ITGA1: variants seen among roughly 807,000 people sequenced by gnomAD.
ITGA1 encodes the protein integrin alpha-1.
Under a neutral mutation model 145.9 loss-of-function variants are expected in ITGA1, and 85 were observed. The observed-to-expected ratio is 0.58, with a 90% CI of 0.49 to 0.70. The LOEUF is 0.70. ITGA1 is among the 30% of genes least tolerant of loss of function. The probability of loss-of-function intolerance (pLI) is 0.00; values close to 1 mark genes in which losing one functional copy is unlikely to be tolerated. For synonymous variants in ITGA1, 520 were observed against 495.3 expected (o/e 1.05, Z -0.66); for missense variants, 1,351 against 1,418.7 (o/e 0.95, Z 0.77).
At chr5:52,814,176 T>C (rs1427639971) in intron 1 of ITGA1, among the ~76,000 whole-genome samples, 1 of 152,212 alleles carries the variant, frequency 6.6e-6, no homozygotes, top group African/African-American at 2.4e-5. Flanking sequence ...AGACAGAGTC[T>C]CGCTCTGTCA....
chr5:52,895,176 T>G (rs1750206699), intron 9 of ITGA1, among the ~76,000 whole-genome samples: 1 of 152,164 alleles, frequency 6.6e-6, no homozygotes, highest in African/African-American at 2.4e-5. Context: ...TTAGAACATT[T>G]GATTTAGAGG....
chr5:52,931,894 C>A, intron 21 of ITGA1, 153 bp from the exon 22 acceptor site: 1 of 534,916 alleles, frequency 1.9e-6, no homozygotes, highest in East Asian at 3.0e-5. Context: ...TCTCTGATCT[C>A]CTTCTTCACC....
chr5:52,791,115 C>A (rs1393052007), intron 1 of ITGA1, among the ~76,000 whole-genome samples: 1 of 152,162 alleles, frequency 6.6e-6, no homozygotes, highest in African/African-American at 2.4e-5. Context: ...TAAAATGATT[C>A]ATCAAAAAGA....
intron 1 of ITGA1, among the ~76,000 whole-genome samples, chr5:52,823,067 G>A (rs995704432): frequency 6.6e-6 from 1 of 152,118 alleles, no homozygotes; most frequent in African/African-American, 2.4e-5. Flanking sequence ...GGTCTAACAA[G>A]CTTTAAGGTG....
chr5:52,890,813 C>T (rs1288636738), intron 8 of ITGA1, among the ~76,000 whole-genome samples: 3 of 152,114 alleles, frequency 2.0e-5, no homozygotes, highest in Non-Finnish European at 4.4e-5. Flanking sequence ...TGAACACTAG[C>T]TCTTATTCCT....
chr5:52,907,914 A>G (rs1361492186), intron 12 of ITGA1, among the ~76,000 whole-genome samples: 1 of 152,248 alleles, frequency 6.6e-6, no homozygotes, highest in Non-Finnish European at 1.5e-5. Context: ...AGAAAAGTGC[A>G]TTCAAAAGTC....
chr5:52,864,679 C>T (rs1749655373), intron 3 of ITGA1, 84 bp from the exon 4 acceptor site: 1 of 801,864 alleles, frequency 1.2e-6, no homozygotes, highest in Non-Finnish European at 2.1e-6. Context: ...ATGAGCAAAA[C>T]AAATAGAATG....
intron 9 of ITGA1, among the ~76,000 whole-genome samples, chr5:52,895,509 C>T (rs1579703937): frequency 6.6e-6 from 1 of 152,126 alleles, no homozygotes; most frequent in South Asian, 2.1e-4. Flanking sequence ...TAGAAACAAT[C>T]TGTAAAAATA....
intron 26 of ITGA1, among the ~76,000 whole-genome samples, chr5:52,941,228 T>C (rs1244533056): frequency 1.3e-5 from 2 of 152,328 alleles, no homozygotes; most frequent in East Asian, 3.9e-4. Flanking sequence ...TGAATAGCAC[T>C]GCAATGAAGA....
intron 1 of ITGA1, among the ~76,000 whole-genome samples, chr5:52,834,798 G>A (rs1051151072): frequency 2.6e-5 from 4 of 152,000 alleles, no homozygotes; most frequent in African/African-American, 9.7e-5. Context: ...GGCCCCAGTG[G>A]TTGTGATTTC....
chr5:52,916,264 TG>T (rs1218475223), intron 15 of ITGA1, among the ~76,000 whole-genome samples: 2 of 152,180 alleles, frequency 1.3e-5, no homozygotes, highest in Admixed American at 1.3e-4. Context: ...ATCAACTTAA[TG>T]AGAAATCCAC....
rs116684881 is a variant in ITGA1 at position 52,954,808 on chromosome 5, C to T, written c.*2357C>T. The T allele has an allele frequency of 4.9e-3, 746 of 152,034 alleles. 5 individuals carry two copies. The highest frequency in any genetic ancestry group is 0.017 in the African/African-American group (714 of 41,450). 9.4% of individuals were successfully genotyped at this position (152,034 alleles called of 1,614,324 possible). A position where few individuals can be genotyped will look rare whatever the true frequency, so the allele number is the denominator to read the frequency against. ...CATTTTTATTAATATTTAGGTTTAA[C>T]TTATAGTTCTGCAATTATTTAAAAA... On this transcript the variant is annotated 3_prime_UTR_variant, in exon 29 of 29. Coordinates refer to ENST00000282588, the MANE Select transcript of ITGA1 (RefSeq NM_181501.2).
At chr5:52,929,168 T>C (rs1479924782) in intron 20 of ITGA1, among the ~76,000 whole-genome samples, 2 of 152,194 alleles carry the variant, frequency 1.3e-5, no homozygotes, top group East Asian at 3.8e-4. Flanking sequence ...GTAAACACAC[T>C]GGTAGATCTA....
chr5:52,903,553 G>C (rs536688316), intron 11 of ITGA1: 75 of 152,252 alleles, frequency 4.9e-4, no homozygotes, highest in African/African-American at 1.8e-3. Flanking sequence ...GCACTTGTAA[G>C]AATAAACATA....
At chr5:52,886,986 C>A (rs1750062443) in intron 7 of ITGA1, among the ~76,000 whole-genome samples, 1 of 152,110 alleles carries the variant, frequency 6.6e-6, no homozygotes, top group Non-Finnish European at 1.5e-5. Flanking sequence ...ACCTTCTTAG[C>A]CAGGATAGTC....
intron 3 of ITGA1, among the ~76,000 whole-genome samples, chr5:52,861,894 G>T (rs544451938): frequency 1.3e-3 from 186 of 146,634 alleles, no homozygotes; most frequent in African/African-American, 4.2e-3. Context: ...AAAAAATCAG[G>T]TCTTAAATTA....
At position 52,925,259 on chromosome 5, in the gene ITGA1, T is replaced by C; in HGVS notation, c.2404-19T>C. ...TGCGTAGCTAAATTTTGAAAAATTC[T>C]TTCCTGTCATCATTTCAGATTCCCT... On this transcript the variant is annotated intron_variant, in intron 18 of 28. Coordinates refer to ENST00000282588, the MANE Select transcript of ITGA1 (RefSeq NM_181501.2). 6.2e-7 allele frequency: 1 copy of C among 1,601,522 alleles called. No individual in the cohort carries two copies. The highest frequency in any genetic ancestry group is 1.3e-5 in the African/African-American group (1 of 74,748).
chr5:52,825,269 G>C (rs995600311), intron 1 of ITGA1: 4 of 152,158 alleles, frequency 2.6e-5, no homozygotes, highest in African/African-American at 9.7e-5. Context: ...TCATGTCATA[G>C]TATGTATCAG....
At chr5:52,805,090 T>C (rs1430568989) in intron 1 of ITGA1, among the ~76,000 whole-genome samples, 7 of 151,912 alleles carry the variant, frequency 4.6e-5, no homozygotes, top group Admixed American at 2.6e-4. Context: ...GACACAGTGG[T>C]GAAAGGGGTG....
Sources: allele counts gnomAD v4.1 joint callset (sites outside exome capture counted in the v4.1 genomes callset), GRCh38; gene constraint gnomAD v4.1.1; transcripts MANE v1.5; gene names NCBI Gene and HGNC (gene_info 2026-07-23, HGNC 2026-07-21).